Variants in CAMKMT observed in about 807,000 individuals in gnomAD.
CAMKMT encodes the protein CaM KMT.
Under a neutral mutation model 48.0 loss-of-function variants are expected in CAMKMT, and 53 were observed. The ratio of observed to expected loss-of-function variants is 1.10; its 90% CI spans 0.89 to 1.39. CAMKMT has a LOEUF of 1.39. Among genes scored for constraint, CAMKMT ranks in the 40% most tolerant of loss-of-function variants. The pLI, the probability that CAMKMT is intolerant of heterozygous loss-of-function variation, is 0.00. For synonymous variants in CAMKMT, 165 were observed against 152.3 expected (o/e 1.08, Z -0.61); for missense variants, 428 against 402.7 (o/e 1.06, Z -0.54).
intron 3 of CAMKMT, among the ~76,000 whole-genome samples, chr2:44,484,330 G>T (rs1669112083): frequency 6.6e-6 from 1 of 152,076 alleles, no homozygotes; most frequent in South Asian, 2.1e-4. Context: ...ATCAAGGCTT[G>T]TTATAAAGCT....
At chr2:44,441,871 G>A (rs74610563) in intron 3 of CAMKMT, among the ~76,000 whole-genome samples, 5 of 152,148 alleles carry the variant, frequency 3.3e-5, no homozygotes, top group African/African-American at 7.2e-5. Flanking sequence ...ATAATGGCAA[G>A]GAAAATATCC....
chr2:44,617,992 A>G (rs1671983392), intron 3 of CAMKMT, among the ~76,000 whole-genome samples: 1 of 152,212 alleles, frequency 6.6e-6, no homozygotes, highest in African/African-American at 2.4e-5. Flanking sequence ...TTATTCAGAC[A>G]TCAAGAAAGC....
At chr2:44,537,036 A>G (rs1666814532) in intron 3 of CAMKMT, among the ~76,000 whole-genome samples, 1 of 152,178 alleles carries the variant, frequency 6.6e-6, no homozygotes, top group African/African-American at 2.4e-5. Flanking sequence ...GGACTTAAAT[A>G]TCAGATCCCA....
intron 3 of CAMKMT, among the ~76,000 whole-genome samples, chr2:44,550,373 G>C (rs1050484407): frequency 6.6e-6 from 1 of 150,768 alleles, no homozygotes; most frequent in Non-Finnish European, 1.5e-5. Flanking sequence ...CTGGGTGACA[G>C]AGTGAGACTC....
Position 44,718,002 on chromosome 2 carries a change from A to C in CAMKMT, c.623+2649A>C, listed in dbSNP as rs762583393. ...GCAGACCCAGGTTGTGTGGGGCCTG[A>C]AACTTATTTTGAGGGCCCACTTAGG... On this transcript the variant is annotated intron_variant, in intron 7 of 10. Coordinates refer to ENST00000378494, the MANE Select transcript of CAMKMT (RefSeq NM_024766.5). Among the ~76,000 whole-genome samples the C allele has an allele frequency of 6.6e-5, 10 of 152,132 alleles. 1 individual carries two copies. Among genetic ancestry groups the C allele is most frequent in the Admixed American group, 5.2e-4 (8 of 15,268 alleles).
At chr2:44,670,724 G>A (rs919713952) in intron 3 of CAMKMT, among the ~76,000 whole-genome samples, 1 of 152,146 alleles carries the variant, frequency 6.6e-6, no homozygotes, top group African/African-American at 2.4e-5. Context: ...CACCTCCAGA[G>A]TTTCTGATTC....
chr2:44,712,993 A>C (rs1435395906), intron 6 of CAMKMT, among the ~76,000 whole-genome samples: 1 of 152,114 alleles, frequency 6.6e-6, no homozygotes, highest in Admixed American at 6.6e-5. Flanking sequence ...TAATATTTAA[A>C]AAAACCTCTT....
chr2:44,675,632 A>G (rs74262166), intron 3 of CAMKMT, among the ~76,000 whole-genome samples: 7,173 of 152,272 alleles, frequency 0.047, 393 homozygotes, highest in African/African-American at 0.13. Context: ...TCTTATCTCC[A>G]TTTTAAAAAT....
rs922732777 is a variant in CAMKMT, at chr2:44,396,988, G to A, written c.376+6683G>A. ...GCAGTAGAATCGCTTGAACCCAGGA[G>A]GCGAAGGTTGCAGTGAGCCGAGATT... On this transcript the variant is annotated intron_variant, in intron 3 of 10. Transcript: ENST00000378494. Among the ~76,000 whole-genome samples the A allele has an allele frequency of 2.0e-5, 3 of 151,558 alleles. No homozygotes were observed. The East Asian group carries it at 5.8e-4, about 29-fold the overall frequency.
chr2:44,466,508 C>G (rs7564087), intron 3 of CAMKMT, among the ~76,000 whole-genome samples: 1 of 151,738 alleles, frequency 6.6e-6, no homozygotes, highest in African/African-American at 2.4e-5. Flanking sequence ...TTAAAACTTA[C>G]GGAATGCAGC....
chr2:44,602,839 C>T (rs1671076432), intron 3 of CAMKMT, among the ~76,000 whole-genome samples: 1 of 152,058 alleles, frequency 6.6e-6, no homozygotes, highest in African/African-American at 2.4e-5. Context: ...CTGGGGATTA[C>T]AATTCGACAT....
At chr2:44,766,392 A>G in intron 9 of CAMKMT, 38 bp from the exon 10 acceptor site, 1 of 1,611,908 alleles carries the variant, frequency 6.2e-7, no homozygotes, top group South Asian at 1.1e-5. Context: ...GTTACCTTCC[A>G]GTTTTAAAAT....
At chr2:44,643,837 C>T (rs1343540514) in intron 3 of CAMKMT, among the ~76,000 whole-genome samples, 4 of 152,088 alleles carry the variant, frequency 2.6e-5, no homozygotes, top group Non-Finnish European at 5.9e-5. Flanking sequence ...TACCTGAGAT[C>T]AATTAACATT....
intron 3 of CAMKMT, among the ~76,000 whole-genome samples, chr2:44,554,362 G>A (rs748711844): frequency 4.6e-5 from 7 of 152,184 alleles, no homozygotes; most frequent in Non-Finnish European, 1.0e-4. Context: ...TTTGCCACTT[G>A]TTGACTATGG....
intron 6 of CAMKMT, among the ~76,000 whole-genome samples, chr2:44,708,621 C>T (rs1677697728): frequency 6.6e-6 from 1 of 152,076 alleles, no homozygotes; most frequent in African/African-American, 2.4e-5. Context: ...GGATTTTAAT[C>T]ACGTTCTTGA....
At chr2:44,428,601 A>G (rs949783130) in intron 3 of CAMKMT, among the ~76,000 whole-genome samples, 3 of 152,190 alleles carry the variant, frequency 2.0e-5, no homozygotes, top group African/African-American at 7.2e-5. Flanking sequence ...GTCCATATCA[A>G]TAGATGTTGG....
intron 2 of CAMKMT, among the ~76,000 whole-genome samples, chr2:44,383,987 A>G (rs1680522039): frequency 6.6e-6 from 1 of 152,208 alleles, no homozygotes; most frequent in Non-Finnish European, 1.5e-5. Flanking sequence ...CTGGGTAGAT[A>G]CCAAGTAGTG....
At chr2:44,373,402 T>C (rs897515580) in intron 2 of CAMKMT, among the ~76,000 whole-genome samples, 2 of 152,196 alleles carry the variant, frequency 1.3e-5, no homozygotes, top group African/African-American at 4.8e-5. Flanking sequence ...TTAAAAATCA[T>C]TAGAAAAGAG....
intron 3 of CAMKMT, among the ~76,000 whole-genome samples, chr2:44,563,278 A>G (rs770267799): frequency 5.3e-5 from 8 of 151,660 alleles, no homozygotes; most frequent in Non-Finnish European, 1.0e-4. Context: ...TACTACCTGT[A>G]CTGTTTTATA....
Sources: allele counts gnomAD v4.1 joint callset (sites outside exome capture counted in the v4.1 genomes callset), GRCh38; gene constraint gnomAD v4.1.1; transcripts MANE v1.5; gene names NCBI Gene and HGNC (gene_info 2026-07-23, HGNC 2026-07-21).